The following CHL1 variants were observed in gnomAD, a reference collection of about 807,000 sequenced individuals.
CHL1 encodes cell adhesion molecule L1 like.
Under a neutral mutation model 141.9 loss-of-function variants are expected in CHL1, and 96 were observed. That is an observed-to-expected ratio of 0.68 (90% confidence interval 0.57 to 0.80). The LOEUF (loss-of-function observed/expected upper bound fraction) is 0.80, where lower values mean the gene tolerates loss of function less well. Among genes scored for constraint, CHL1 ranks in the 30% least tolerant of loss-of-function variants. CHL1 has a pLI of 0.00. For missense variants in CHL1, 1,820 were observed against 1,457.2 expected, an observed-to-expected ratio of 1.25 and a Z score of -4.05; for synonymous variants, 613 against 502.2, an observed-to-expected ratio of 1.22 and a Z score of -2.95.
Position 360,294 on chromosome 3 carries a change from T to G in CHL1, c.1176T>G (p.Phe392Leu). The G allele has an allele frequency of 6.2e-7, 1 of 1,613,818 alleles. No homozygotes were observed. The highest frequency in any genetic ancestry group is 8.5e-7 in the Non-Finnish European group (1 of 1,179,780). The stretch of plus-strand genomic sequence containing the variant: ...TTTAATCTCTTTCAGATCATCCATT[T>G]GCTGGTGATGTTGTCTTCCCCAGGG... ...VNGSPVDNHP[F>L]AGDVVFPREI... Residue 392 changes from phenylalanine to leucine, a missense_variant, in exon 12 of 28, where the codon TTT becomes TTG. Physicochemically the swap from Phe to Leu is conservative, Grantham distance 22. Transcript: ENST00000256509.
intron 1 of CHL1, among the ~76,000 whole-genome samples, chr3:207,612 CATGA>C (rs1699551536): frequency 6.6e-6 from 1 of 152,176 alleles, no homozygotes; most frequent in African/African-American, 2.4e-5. Context: ...CCTATATCTG[CATGA>C]ATAATAGGCT....
At chr3:405,128 G>T (rs1262622750) in intron 27 of CHL1, among the ~76,000 whole-genome samples, 1 of 152,092 alleles carries the variant, frequency 6.6e-6, no homozygotes, top group Non-Finnish European at 1.5e-5. Flanking sequence ...TGGTTATCAG[G>T]TTTTAACATA....
chr3:359,183 T>A (rs1411444359), intron 11 of CHL1, among the ~76,000 whole-genome samples: 4 of 151,924 alleles, frequency 2.6e-5, no homozygotes, highest in Non-Finnish European at 5.9e-5. Context: ...AAAATGGCCA[T>A]GTAAATGCTG....
At chr3:389,222 A>G (rs1480749748) in intron 19 of CHL1, 30 bp from the exon 20 acceptor site, 1 of 1,541,176 alleles carries the variant, frequency 6.5e-7, no homozygotes, top group Admixed American at 1.9e-5. Flanking sequence ...ATCTGTGATC[A>G]GACTAAATGA....
At position 407,513 on chromosome 3, in the gene CHL1, G is replaced by A. The variant is rs1709604401; in HGVS notation, c.*1802G>A. On this transcript the variant is annotated 3_prime_UTR_variant, in exon 28 of 28. Transcript: ENST00000256509. Reference sequence around the variant, plus strand: ...GAAGGCAGTGTGGTCCCTACCCTGTGTGAATGTGAGGATGTAGACATCCAT... The same window carrying A: ...GAAGGCAGTGTGGTCCCTACCCTGTATGAATGTGAGGATGTAGACATCCAT... The A allele has an allele frequency of 6.6e-6, 1 of 152,066 alleles. No individual in the cohort carries two copies. The highest frequency in any genetic ancestry group is 2.1e-4 in the South Asian group (1 of 4,836). 9.4% of individuals were successfully genotyped at this position (152,066 alleles called of 1,614,324 possible).
At chr3:349,599 T>A (rs1402710689) in intron 10 of CHL1, 56 bp downstream of exon 10, 2 of 1,416,304 alleles carry the variant, frequency 1.4e-6, no homozygotes, top group Non-Finnish European at 1.9e-6. Context: ...ACTGTATACA[T>A]GTAGTAGGCC....
chr3:255,986 CT>C lies in CHL1; in HGVS notation c.-95+11297del, dbSNP rs1694123839. On this transcript the variant is annotated intron_variant, in intron 2 of 27. Coordinates refer to ENST00000256509, the MANE Select transcript of CHL1 (RefSeq NM_006614.4). Reference sequence around the variant, plus strand: ...ACCTTGCCTACTTCCACACTTTCAACTTTCTAAAATTCCTGGGATTCATGCT... The same window carrying C: ...ACCTTGCCTACTTCCACACTTTCAACTTCTAAAATTCCTGGGATTCATGCT... Among the ~76,000 whole-genome samples, 6 of 152,200 alleles carry C rather than the reference CT, an allele frequency of 3.9e-5. No homozygotes were observed. In the South Asian group the frequency reaches 1.2e-3, roughly 31 times the overall value.
At chr3:368,861 C>T (rs969705148) in intron 15 of CHL1, among the ~76,000 whole-genome samples, 1 of 152,154 alleles carries the variant, frequency 6.6e-6, no homozygotes, top group Non-Finnish European at 1.5e-5. Flanking sequence ...ATCCTTTCCC[C>T]AGCGCTTCGA....
intron 16 of CHL1, among the ~76,000 whole-genome samples, chr3:380,747 A>G (rs1316345261): frequency 6.6e-6 from 1 of 152,250 alleles, no homozygotes; most frequent in Non-Finnish European, 1.5e-5. Context: ...ACAGTTGCAG[A>G]AAAGAAAGCA....
At chr3:245,629 A>G (rs188443454) in intron 2 of CHL1, among the ~76,000 whole-genome samples, 8 of 152,316 alleles carry the variant, frequency 5.3e-5, no homozygotes, top group Admixed American at 3.3e-4. Context: ...AAGAAATAAG[A>G]TATTACTTGG....
At chr3:383,703 A>C (rs1707333544) in intron 18 of CHL1, 113 bp from the exon 19 acceptor site, 2 of 622,582 alleles carry the variant, frequency 3.2e-6, no homozygotes, top group African/African-American at 3.7e-5. Flanking sequence ...ATAAATTAAT[A>C]AGTACAATCA....
chr3:371,947 G>A (rs945645585), intron 15 of CHL1, among the ~76,000 whole-genome samples: 2 of 152,130 alleles, frequency 1.3e-5, no homozygotes, highest in Admixed American at 6.5e-5. Flanking sequence ...ACTCTCTTCT[G>A]GCTTGTAGAG....
intron 5 of CHL1, among the ~76,000 whole-genome samples, chr3:334,577 G>C (rs919849371): frequency 6.6e-6 from 1 of 152,072 alleles, no homozygotes; most frequent in East Asian, 1.9e-4. Flanking sequence ...GCATGTTTTG[G>C]AGGTTCATCC....
At chr3:364,954 C>A (rs1704683919) in intron 14 of CHL1, among the ~76,000 whole-genome samples, 2 of 152,116 alleles carry the variant, frequency 1.3e-5, no homozygotes, top group African/African-American at 4.8e-5. Context: ...AAATGAATTT[C>A]TGGCTTTAAA....
intron 2 of CHL1, among the ~76,000 whole-genome samples, chr3:245,513 A>G (rs631706): frequency 0.47 from 70,728 of 152,000 alleles, 17,474 homozygotes; most frequent in South Asian, 0.65. Flanking sequence ...AAGACAAAAT[A>G]ATTGGAGGAA....
chr3:286,568 G>T (rs577788168), intron 2 of CHL1, among the ~76,000 whole-genome samples: 4 of 144,528 alleles, frequency 2.8e-5, no homozygotes, highest in Non-Finnish European at 3.0e-5. Flanking sequence ...CCGAGATTGC[G>T]CCATTGCACT....
At chr3:376,664 G>A (rs1016670551) in intron 15 of CHL1, among the ~76,000 whole-genome samples, 4 of 152,146 alleles carry the variant, frequency 2.6e-5, no homozygotes, top group Admixed American at 1.3e-4. Context: ...ATTTCAAGAG[G>A]TTATTAAAGT....
intron 2 of CHL1, among the ~76,000 whole-genome samples, chr3:288,526 T>G (rs564047408): frequency 1.3e-5 from 2 of 152,324 alleles, no homozygotes; most frequent in African/African-American, 4.8e-5. Context: ...AGTCTGTCTT[T>G]TGGCTCTGTT....
intron 15 of CHL1, among the ~76,000 whole-genome samples, chr3:374,597 T>G (rs1485836475): frequency 6.6e-6 from 1 of 152,218 alleles, no homozygotes; most frequent in Non-Finnish European, 1.5e-5. Flanking sequence ...AACCTCTGGC[T>G]ATCTGAGTGG....
Sources: gnomAD v4.1 joint callset for allele counts (sites outside exome capture counted in the v4.1 genomes callset) on GRCh38, gnomAD v4.1.1 for gene constraint, MANE v1.5 for transcripts, NCBI Gene and HGNC (gene_info 2026-07-23, HGNC 2026-07-21) for gene names.